Variants in C6orf62 observed in about 807,000 individuals in gnomAD.
C6orf62 encodes uncharacterized protein C6orf62.
C6orf62 carries 16 observed loss-of-function variants against 26.8 expected under a neutral mutation model. That is an observed-to-expected ratio of 0.60 (90% CI 0.40 to 0.91). The LOEUF (loss-of-function observed/expected upper bound fraction) is 0.91, where lower values mean the gene tolerates loss of function less well. Among genes scored for constraint, C6orf62 ranks in the 40% least tolerant of loss-of-function variants. The pLI, the probability that C6orf62 is intolerant of heterozygous loss-of-function variation, is 0.00. For synonymous variants in C6orf62, 112 were observed against 91.5 expected (o/e 1.22, Z -1.28); for missense variants, 192 against 271.4 (o/e 0.71, Z 2.06).
At chr6:24,720,413 G>A (rs1779333011), upstream of C6orf62, 6 of 1,138,950 alleles carry the variant, frequency 5.3e-6, no homozygotes, top group African/African-American at 3.2e-5. Context: ...CGCTGCTGCC[G>A]CCGCTCAGCC....
Position 24,714,363 on chromosome 6 carries a change from C to T in C6orf62, c.384G>A (p.Leu128=), listed in dbSNP as rs753791343. Residue 128 remains leucine (L), a synonymous_variant, in exon 3 of 5, where the codon CTG becomes CTA. Coordinates refer to ENST00000378119, the MANE Select transcript of C6orf62 (RefSeq NM_030939.5). ...CATCAGATTCTTTCCACCTAGAAAA[C>T]AGGAGACAGACGATTTTTTCAATAT... ...RNDIEKIVCL[L]FSRWKESDEP... is the part of the protein sequence containing the mutation. 2.5e-6 allele frequency: 4 copies of T among 1,611,878 alleles called. No homozygotes were observed. Among genetic ancestry groups the T allele is most frequent in the African/African-American group, 2.7e-5 (2 of 74,636 alleles).
chr6:24,715,806 G>A (rs1581399078), intron 2 of C6orf62, among the ~76,000 whole-genome samples: 1 of 135,840 alleles, frequency 7.4e-6, no homozygotes, highest in Admixed American at 8.4e-5. Flanking sequence ...CCAAGATCAT[G>A]CCACTGCACT....
chr6:24,716,399 A>T, intron 1 of C6orf62, 75 bp from the exon 2 acceptor site: 1 of 1,034,692 alleles, frequency 9.7e-7, no homozygotes, highest in Non-Finnish European at 1.5e-6. Context: ...TTACAATGTC[A>T]TGTAACATTA....
Position 24,705,952 on chromosome 6 carries a change from A to G in C6orf62, c.*185T>C. On this transcript the variant is annotated 3_prime_UTR_variant, in exon 5 of 5. Transcript: ENST00000378119. ...TTCACACAGTCCGTGCACGACATCT[A>G]ATTTTTGTTTAAGTTCTGAGATAAA... The G allele has an allele frequency of 3.6e-6, 3 of 822,724 alleles. No individual in the cohort carries two copies. Among genetic ancestry groups the G allele is most frequent in the Non-Finnish European group, 5.4e-6 (3 of 558,514 alleles). 51.0% of individuals were successfully genotyped at this position (822,724 alleles called of 1,614,324 possible). A position where few individuals can be genotyped will look rare whatever the true frequency, so the allele number is the denominator to read the frequency against.
chr6:24,720,124 C>G (rs1779325621), upstream of C6orf62: 3 of 1,212,924 alleles, frequency 2.5e-6, no homozygotes, highest in Non-Finnish European at 3.1e-6. Context: ...TTAGTTGTTT[C>G]CCGAGGGGCA....
At chr6:24,716,601 A>C (rs1457573847) in intron 1 of C6orf62, among the ~76,000 whole-genome samples, 1 of 152,214 alleles carries the variant, frequency 6.6e-6, no homozygotes, top group Non-Finnish European at 1.5e-5. Flanking sequence ...ACTTCTTAAA[A>C]TTAAAAATCT....
rs1234183923 is a variant in C6orf62 at position 24,718,591 on chromosome 6, T to C, written c.78A>G (p.Leu26=). ...ACATCTTGAAGTCAAACTGGTCAGCTAGAGATTCTTTTTTCTTTCTAAGCT... is the reference window on the plus strand; with the variant it reads ...ACATCTTGAAGTCAAACTGGTCAGCCAGAGATTCTTTTTTCTTTCTAAGCT... ...RAQLRKKKES[L]ADQFDFKMYI... Residue 26 remains leucine (L), a synonymous_variant, in exon 1 of 5, where the codon CTA becomes CTG. Coordinates refer to ENST00000378119, the MANE Select transcript of C6orf62 (RefSeq NM_030939.5). 3 of 1,613,954 alleles carry C rather than the reference T, an allele frequency of 1.9e-6. No homozygotes were observed. The highest frequency in any genetic ancestry group is 1.1e-5 in the South Asian group (1 of 91,080).
intron 3 of C6orf62, 46 bp from the exon 4 acceptor site, chr6:24,708,957 A>G (rs1181262172): frequency 6.2e-7 from 1 of 1,611,798 alleles, no homozygotes; most frequent in Non-Finnish European, 8.5e-7. Context: ...AACAAGTTAT[A>G]CTACCTATCT....
At chr6:24,715,870 A>AAAAAAAG (rs146648741) in intron 2 of C6orf62, among the ~76,000 whole-genome samples, 2 of 146,270 alleles carry the variant, frequency 1.4e-5, no homozygotes, top group Admixed American at 6.8e-5. Flanking sequence ...AAAAAAAAAA[A>AAAAAAAG]GTCCGAGATC....
At chr6:24,707,130 A>C (rs927871765) in intron 4 of C6orf62, 1 of 152,248 alleles carries the variant, frequency 6.6e-6, no homozygotes, top group African/African-American at 2.4e-5. Flanking sequence ...AAATGTAAAT[A>C]AACCTATACA....
At chr6:24,719,572 G>A, upstream of C6orf62, 1 of 1,297,498 alleles carries the variant, frequency 7.7e-7, no homozygotes, top group Non-Finnish European at 9.8e-7. Context: ...GAAGGAAAAG[G>A]GGTATATAAT....
rs761976860 is a variant in C6orf62, at chr6:24,714,455, A to T, written c.307-15T>A. 1.6e-5 allele frequency: 22 copies of T among 1,401,824 alleles called. No homozygotes were observed. Among genetic ancestry groups the T allele is most frequent in the Admixed American group, 2.6e-5 (1 of 38,908 alleles). The allele number at this position is 1,401,824 out of a possible 1,614,324, so 86.8% of individuals were successfully genotyped here. On this transcript the variant is annotated splice_polypyrimidine_tract_variant and intron_variant, in intron 2 of 4. Transcript: ENST00000378119. ...CCAATTACATCCTATAAAATGATTA[A>T]AAAAAAAAAAGTTTACTTTTAAAGA... is the stretch of plus-strand genomic sequence containing the variant.
chr6:24,711,595 G>C (rs1380960810), intron 3 of C6orf62, among the ~76,000 whole-genome samples: 1 of 151,934 alleles, frequency 6.6e-6, no homozygotes, highest in Non-Finnish European at 1.5e-5. Flanking sequence ...AGGAGTTCAA[G>C]ACCAGCCTGG....
At chr6:24,708,962 C>T in intron 3 of C6orf62, 51 bp from the exon 4 acceptor site, 1 of 1,609,286 alleles carries the variant, frequency 6.2e-7, no homozygotes, top group Non-Finnish European at 8.5e-7. Flanking sequence ...GTTATACTAC[C>T]TATCTGCATC....
At chr6:24,711,378 AG>A (rs1179259124) in intron 3 of C6orf62, among the ~76,000 whole-genome samples, 2 of 152,158 alleles carry the variant, frequency 1.3e-5, no homozygotes, top group Non-Finnish European at 2.9e-5. Context: ...TGAAGAGAAA[AG>A]AAGAGATACA....
intron 3 of C6orf62, among the ~76,000 whole-genome samples, chr6:24,712,306 T>C (rs1484331905): frequency 6.6e-6 from 1 of 151,932 alleles, no homozygotes; most frequent in African/African-American, 2.4e-5. Context: ...GGCTCAAACC[T>C]GGGAGGCAGA....
chr6:24,715,848 CA>C (rs139717677), intron 2 of C6orf62, among the ~76,000 whole-genome samples: 6,007 of 63,760 alleles, frequency 0.094, 124 homozygotes, highest in Non-Finnish European at 0.13. Flanking sequence ...GACTTTGTCT[CA>C]AAAAAAAAAA....
intron 3 of C6orf62, chr6:24,710,068 A>G (rs963184169): frequency 7.1e-6 from 7 of 982,872 alleles, no homozygotes; most frequent in Non-Finnish European, 6.0e-6. Context: ...GTACTTCCAT[A>G]CAATTCAAAT....
rs1562166863 is a variant in C6orf62 at position 24,706,251 on chromosome 6, G to A, written c.576C>T (p.Asn192=). ...TGCATAACTTGAAGATTGTAGCTTT[G>A]TTTTTTGGAGTCTGGAAGGGGAAAA... The part of the protein sequence containing the change: ...IDRQHLQTPK[N]KATIFKLCSI... The change falls in exon 5 of 5, where the codon AAC becomes AAT. Residue 192 remains asparagine (N), a synonymous_variant. Transcript: ENST00000378119. 6.2e-7 allele frequency: 1 copy of A among 1,614,008 alleles called. No individual in the cohort carries two copies.
Sources: allele counts gnomAD v4.1 joint callset (sites outside exome capture counted in the v4.1 genomes callset), GRCh38; gene constraint gnomAD v4.1.1; transcripts MANE v1.5; gene names NCBI Gene and HGNC (gene_info 2026-07-23, HGNC 2026-07-21).